The following SP140L variants were observed in gnomAD, a reference collection of about 807,000 sequenced individuals.
The protein encoded by SP140L is SP140 like nuclear body protein.
Under a neutral mutation model 84.3 loss-of-function variants are expected in SP140L, and 64 were observed. The ratio of observed to expected loss-of-function variants is 0.76; its 90% CI spans 0.62 to 0.94. The LOEUF (loss-of-function observed/expected upper bound fraction) is 0.94, where lower values mean the gene tolerates loss of function less well. Ranked by LOEUF, SP140L falls within the 40% of genes least tolerant of loss-of-function variation. SP140L has a pLI of 0.00. For missense variants in SP140L, 628 were observed against 692.5 expected (o/e 0.91, Z 1.05); for synonymous variants, 242 against 236.9 (o/e 1.02, Z -0.20).
At chr2:230,354,881 G>GAAAGAAAGAAAGA (rs1553617501) in intron 2 of SP140L, among the ~76,000 whole-genome samples, 1,356 of 125,596 alleles carry the variant, frequency 0.011, 32 homozygotes, top group East Asian at 0.042. Flanking sequence ...AAGAAAGAAA[G>GAAAGAAAGAAAGA]AAAGAAAGAA....
chr2:230,328,811 A>T lies in SP140L; in HGVS notation c.87A>T (p.Ala29=). 1 of 1,612,008 alleles carries T rather than the reference A, an allele frequency of 6.2e-7. No individual in the cohort carries two copies. Among genetic ancestry groups the T allele is most frequent in the African/African-American group, 1.3e-5 (1 of 75,040 alleles). The change falls in exon 2 of 19, where the codon GCA becomes GCT. Residue 29 remains alanine, a synonymous_variant. Transcript: ENST00000415673. ...QVANEMNHLP[A]HSQSLQRLFT... is the part of the protein sequence containing the mutation. ...CAAATGAGATGAACCATCTTCCTGC[A>T]CACAGCCAAAGTCTGCAAAGGTGAT...
In SP140L at chr2:230,327,278, T is replaced by G. The variant is rs1575415586; in HGVS notation, c.9T>G (p.Gly3=). Residue 3 remains glycine (G), a synonymous_variant, in exon 1 of 19, where the codon GGT becomes GGG. Transcript: ENST00000415673. MA[G]GGSDLSTRGL... Reference sequence around the variant, plus strand: ...GGGCCTAGGGTGGGACGATGGCAGGTGGGGGCAGCGACCTGAGCACCAGGT... The same window carrying G: ...GGGCCTAGGGTGGGACGATGGCAGGGGGGGGCAGCGACCTGAGCACCAGGT... The G allele has an allele frequency of 6.2e-7, 1 of 1,611,236 alleles. No homozygotes were observed. The highest frequency in any genetic ancestry group is 8.5e-7 in the Non-Finnish European group (1 of 1,178,786).
rs1371194247 is a variant in SP140L at position 230,402,784 on chromosome 2, T to C, written c.1645-14T>C. On this transcript the variant is annotated splice_polypyrimidine_tract_variant and intron_variant, in intron 18 of 18. Coordinates refer to ENST00000415673, the MANE Select transcript of SP140L (RefSeq NM_138402.6). ...ATAAGGAACATCGTTTTTGTCTTTA[T>C]TACTTTTTTCCAGTATAAGGATTTT... is the stretch of plus-strand genomic sequence containing the variant. The C allele has an allele frequency of 5.6e-6, 9 of 1,601,674 alleles. No homozygotes were observed. The highest frequency in any genetic ancestry group is 1.6e-4 in the Middle Eastern group (1 of 6,062).
chr2:230,381,909 A>G (rs1231083062), intron 7 of SP140L, among the ~76,000 whole-genome samples: 2 of 152,214 alleles, frequency 1.3e-5, no homozygotes, highest in Non-Finnish European at 2.9e-5. Flanking sequence ...AGGTGTTCGA[A>G]GAAGGGAAGT....
intron 2 of SP140L, among the ~76,000 whole-genome samples, chr2:230,340,958 C>T (rs879401998): frequency 0.025 from 3,539 of 141,738 alleles, 52 homozygotes; most frequent in Admixed American, 0.037. Context: ...GTGAATCTGA[C>T]AATTATGTGT....
intron 3 of SP140L, among the ~76,000 whole-genome samples, chr2:230,358,369 A>C (rs1412690837): frequency 6.6e-6 from 1 of 152,226 alleles, no homozygotes; most frequent in African/African-American, 2.4e-5. Flanking sequence ...CAAATTTGGA[A>C]GTAGATGCTT....
chr2:230,367,107 A>T, intron 5 of SP140L, among the ~76,000 whole-genome samples: 1 of 150,510 alleles, frequency 6.6e-6, no homozygotes, highest in East Asian at 1.9e-4. Flanking sequence ...GTATGCTTTG[A>T]CTCCTCTTTA....
chr2:230,402,283 G>A lies in SP140L; in HGVS notation c.1644+476G>A, dbSNP rs192161376. 4.2e-3 allele frequency among the ~76,000 whole-genome samples: 638 copies of A among 152,278 alleles called. 4 individuals carry two copies. The highest frequency in any genetic ancestry group is 0.012 in the South Asian group (60 of 4,830). On this transcript the variant is annotated intron_variant, in intron 18 of 18. Coordinates refer to ENST00000415673, the MANE Select transcript of SP140L (RefSeq NM_138402.6). ...CTTACCTTATACCCTTCCACTATCTGAATTGTTGAAAGAACCTAGATTGCT... is the reference window on the plus strand; with the variant it reads ...CTTACCTTATACCCTTCCACTATCTAAATTGTTGAAAGAACCTAGATTGCT...
intron 5 of SP140L, among the ~76,000 whole-genome samples, chr2:230,363,731 A>G (rs1275914310): frequency 1.4e-5 from 2 of 146,818 alleles, no homozygotes; most frequent in South Asian, 4.3e-4. Flanking sequence ...GTGTCATACC[A>G]AAAACATAAT....
At chr2:230,395,498 C>G (rs538692312) in intron 13 of SP140L, among the ~76,000 whole-genome samples, 3 of 152,156 alleles carry the variant, frequency 2.0e-5, no homozygotes, top group East Asian at 1.9e-4. Context: ...GAGGATCACT[C>G]AAGCCTGGGA....
rs200296017 is a variant in SP140L at position 230,393,569 on chromosome 2, CCTT to C, written c.1155+111_1155+113del. 7.0e-4 allele frequency: 891 copies of C among 1,272,022 alleles called. 19 individuals are homozygous for C. In the East Asian group the frequency reaches 0.023, roughly 32 times the overall value. The allele number at this position is 1,272,022 out of a possible 1,614,324, so 78.8% of individuals were successfully genotyped here. A position where few individuals can be genotyped will look rare whatever the true frequency, so the allele number is the denominator to read the frequency against. ...TTGGGTAACTATAATTAAGCTTTCACCTTCTCCACTTCCCACATATAAATTTTT... is the reference window on the plus strand; with the variant it reads ...TTGGGTAACTATAATTAAGCTTTCACCTCCACTTCCCACATATAAATTTTT... On this transcript the variant is annotated intron_variant, in intron 13 of 18. Transcript: ENST00000415673.
At position 230,327,324 on chromosome 2, in the gene SP140L, T is replaced by C. The variant is rs750734800; in HGVS notation, c.32+23T>C. 54 of 1,605,904 alleles carry C rather than the reference T, an allele frequency of 3.4e-5. 1 individual carries two copies. In the Admixed American group the frequency reaches 9.2e-4, roughly 27 times the overall value. On this transcript the variant is annotated intron_variant, in intron 1 of 18. Coordinates refer to ENST00000415673, the MANE Select transcript of SP140L (RefSeq NM_138402.6). Reference sequence around the variant, plus strand: ...CAGGTGAGTCTTTATCTCTCTTCCTTTCACCTTTATCTCTGGCAGTATTGG... The same window carrying C: ...CAGGTGAGTCTTTATCTCTCTTCCTCTCACCTTTATCTCTGGCAGTATTGG...
At chr2:230,383,601 C>T in intron 8 of SP140L, 26 bp downstream of exon 8, 3 of 1,587,100 alleles carry the variant, frequency 1.9e-6, no homozygotes, top group Non-Finnish European at 2.6e-6. Context: ...GAAGTAGTTA[C>T]AGCTTTTGAG....
intron 7 of SP140L, among the ~76,000 whole-genome samples, chr2:230,379,763 A>T (rs934501182): frequency 3.3e-5 from 5 of 152,168 alleles, no homozygotes; most frequent in African/African-American, 1.2e-4. Context: ...CAGTATAGTA[A>T]AGTGATTACT....
intron 14 of SP140L, among the ~76,000 whole-genome samples, chr2:230,399,619 A>G (rs2149832332): frequency 6.6e-6 from 1 of 152,296 alleles, no homozygotes; most frequent in South Asian, 2.1e-4. Flanking sequence ...CCCTCTAGGC[A>G]CAAAACCTAC....
intron 2 of SP140L, among the ~76,000 whole-genome samples, chr2:230,343,094 TCAA>T (rs2060106682): frequency 1.3e-5 from 2 of 149,384 alleles, no homozygotes; most frequent in Admixed American, 6.7e-5. Flanking sequence ...TTTCTTCCCT[TCAA>T]CTTTTAAGTT....
chr2:230,394,872 A>T (rs1301083618), intron 13 of SP140L, among the ~76,000 whole-genome samples: 3 of 152,262 alleles, frequency 2.0e-5, no homozygotes, highest in Admixed American at 2.0e-4. Context: ...GTCTCTGCTC[A>T]GGCTCATGAC....
chr2:230,383,201 G>T (rs2061464870), intron 7 of SP140L, among the ~76,000 whole-genome samples: 1 of 152,120 alleles, frequency 6.6e-6, no homozygotes, highest in African/African-American at 2.4e-5. Flanking sequence ...ACAAACACTT[G>T]AAAAAGCAAC....
Position 230,402,860 on chromosome 2 carries a change from A to C in SP140L, c.1707A>C (p.Glu569Asp), listed in dbSNP as rs747023047. ...LEAEFEKDFK[E>D]VFAIQETNGN... ...CTGAATTTGAGAAGGATTTCAAGGA[A>C]GTGTTTGCTATTCAGGAAACAAATG... The change falls in exon 19 of 19, where the codon GAA (glutamate) becomes GAC (aspartate). Residue 569 changes from glutamate (E) to aspartate (D), a missense_variant. By Grantham distance (45) the Glu-to-Asp change is conservative (BLOSUM62 2). Transcript: ENST00000415673. The C allele has an allele frequency of 1.1e-5, 18 of 1,613,210 alleles. No homozygotes were observed. Among genetic ancestry groups the C allele is most frequent in the Non-Finnish European group, 1.4e-5 (17 of 1,179,806 alleles).
Sources: allele counts gnomAD v4.1 joint callset (sites outside exome capture counted in the v4.1 genomes callset), GRCh38; gene constraint gnomAD v4.1.1; transcripts MANE v1.5; gene names NCBI Gene and HGNC (gene_info 2026-07-23, HGNC 2026-07-21).